Variants in KLF12 observed in about 807,000 individuals in gnomAD.
KLF12 encodes the protein KLF transcription factor 12.
Under a neutral mutation model 37.8 loss-of-function variants are expected in KLF12, and 9 were observed. The observed-to-expected ratio is 0.24, with a 90% CI of 0.14 to 0.42. KLF12 has a LOEUF of 0.42. Among genes scored for constraint, KLF12 ranks in the 10% least tolerant of loss-of-function variants. The pLI is 1.00. For missense variants in KLF12, 411 were observed against 516.0 expected (o/e 0.80, Z 1.97); for synonymous variants, 208 against 202.1 (o/e 1.03, Z -0.25).
intron 3 of KLF12, among the ~76,000 whole-genome samples, chr13:73,929,348 C>T (rs980462264): frequency 6.6e-6 from 1 of 152,126 alleles, no homozygotes; most frequent in African/African-American, 2.4e-5. Context: ...CTCCATGAGG[C>T]AGATATTATA....
chr13:74,003,932 C>T (rs948360776), intron 1 of KLF12, among the ~76,000 whole-genome samples: 1 of 152,130 alleles, frequency 6.6e-6, no homozygotes, highest in African/African-American at 2.4e-5. Context: ...CCACTGCAGG[C>T]TTAAAAACCT....
chr13:74,275,996 A>G, the KLF12 span, among the ~76,000 whole-genome samples: 1 of 150,084 alleles, frequency 6.7e-6, no homozygotes, highest in East Asian at 2.0e-4. Flanking sequence ...GGATATATAT[A>G]TATGTGCAGA....
intron 1 of KLF12, among the ~76,000 whole-genome samples, chr13:74,087,330 TAAA>T (rs376989402): frequency 4.0e-5 from 6 of 150,382 alleles, no homozygotes; most frequent in African/African-American, 1.2e-4. Context: ...CAGAAGGGTT[TAAA>T]AAAAATTTTT....
At chr13:73,708,790 T>A (rs1875141589) in intron 7 of KLF12, among the ~76,000 whole-genome samples, 1 of 152,218 alleles carries the variant, frequency 6.6e-6, no homozygotes, top group East Asian at 1.9e-4. Context: ...GCATAATTGT[T>A]TTGTATAGCA....
chr13:73,706,239 G>T (rs1874939655), intron 7 of KLF12, among the ~76,000 whole-genome samples: 1 of 152,044 alleles, frequency 6.6e-6, no homozygotes, highest in African/African-American at 2.4e-5. Flanking sequence ...AACACAAACA[G>T]AATTATGAAA....
chr13:74,272,183 C>T, the KLF12 span, among the ~76,000 whole-genome samples: 1 of 152,076 alleles, frequency 6.6e-6, no homozygotes, highest in African/African-American at 2.4e-5. Flanking sequence ...ATAAATTGCT[C>T]TCTAGTCTTG....
the KLF12 span, among the ~76,000 whole-genome samples, chr13:74,210,440 T>G: frequency 6.6e-6 from 1 of 152,242 alleles, no homozygotes; most frequent in Non-Finnish European, 1.5e-5. Context: ...TAAAGCCTGC[T>G]GTATTTAAAA....
chr13:73,784,528 C>T (rs755237230), intron 5 of KLF12, among the ~76,000 whole-genome samples: 5 of 152,134 alleles, frequency 3.3e-5, no homozygotes, highest in South Asian at 2.1e-4. Flanking sequence ...CCCCCCACTC[C>T]GCACACAACA....
intron 1 of KLF12, among the ~76,000 whole-genome samples, chr13:74,042,021 C>T (rs550242061): frequency 2.0e-5 from 3 of 152,126 alleles, no homozygotes; most frequent in East Asian, 1.9e-4. Flanking sequence ...AAGGGGTTAT[C>T]GGCTGGGTGT....
At chr13:73,942,297 G>C (rs1466907788) in intron 3 of KLF12, among the ~76,000 whole-genome samples, 1 of 152,144 alleles carries the variant, frequency 6.6e-6, no homozygotes, top group Non-Finnish European at 1.5e-5. Flanking sequence ...GTTATTTCAA[G>C]TTGAAGAAAT....
rs1179378753 is a variant in KLF12 at position 73,994,976 on chromosome 13, TCTGA to T, written c.33+10_33+13del. 1.9e-6 allele frequency: 3 copies of T among 1,563,860 alleles called. No homozygotes were observed. The highest frequency in any genetic ancestry group is 2.7e-5 in the African/African-American group (2 of 73,858). On this transcript the variant is annotated intron_variant, in intron 2 of 7. Transcript: ENST00000377669. ...CAATATTTTCAATGCAATTTTAACA[TCTGA>T]CTAACCAACCTTTATTGTTTTTCTC... is the stretch of plus-strand genomic sequence containing the variant.
At chr13:73,928,993 C>G (rs1457605593) in intron 3 of KLF12, among the ~76,000 whole-genome samples, 2 of 152,176 alleles carry the variant, frequency 1.3e-5, no homozygotes, top group South Asian at 2.1e-4. Context: ...GGGGCTCCTT[C>G]AAGTCAGATT....
At chr13:74,201,062 T>C in the KLF12 span, among the ~76,000 whole-genome samples, 1 of 152,170 alleles carries the variant, frequency 6.6e-6, no homozygotes, top group South Asian at 2.1e-4. Context: ...CACATCCTAA[T>C]CAAAGATGCA....
the KLF12 span, among the ~76,000 whole-genome samples, chr13:74,179,867 C>T: frequency 1.3e-5 from 2 of 152,162 alleles, no homozygotes; most frequent in Non-Finnish European, 2.9e-5. Context: ...CCCCAATCGA[C>T]ATCTGGTAAT....
At chr13:73,844,524 T>A (rs1884914822) in intron 4 of KLF12, among the ~76,000 whole-genome samples, 1 of 152,200 alleles carries the variant, frequency 6.6e-6, no homozygotes, top group African/African-American at 2.4e-5. Flanking sequence ...CTAAAAAGCC[T>A]GTATGCTCTG....
At chr13:73,893,290 C>A (rs1057436211) in intron 3 of KLF12, among the ~76,000 whole-genome samples, 5 of 150,164 alleles carry the variant, frequency 3.3e-5, no homozygotes, top group Admixed American at 2.0e-4. Flanking sequence ...TTAGTTGACT[C>A]AATTTCTGCC....
chr13:74,051,011 G>T (rs1872886888), intron 1 of KLF12, among the ~76,000 whole-genome samples: 1 of 152,142 alleles, frequency 6.6e-6, no homozygotes. Flanking sequence ...TGTTAGAATG[G>T]CCATTATCAA....
At chr13:73,851,354 C>A (rs1885324188) in intron 3 of KLF12, among the ~76,000 whole-genome samples, 1 of 152,162 alleles carries the variant, frequency 6.6e-6, no homozygotes, top group Non-Finnish European at 1.5e-5. Flanking sequence ...AAAAGCTGAA[C>A]AAGTCATCTT....
chr13:73,721,167 A>C (rs916858564), intron 6 of KLF12, among the ~76,000 whole-genome samples: 37 of 152,214 alleles, frequency 2.4e-4, no homozygotes, highest in Non-Finnish European at 4.7e-4. Context: ...TTTACAGATG[A>C]GGAAACTGAG....
Sources: gnomAD v4.1 joint callset for allele counts (sites outside exome capture counted in the v4.1 genomes callset) on GRCh38, gnomAD v4.1.1 for gene constraint, MANE v1.5 for transcripts, NCBI Gene and HGNC (gene_info 2026-07-23, HGNC 2026-07-21) for gene names.